The following RBFOX1 variants were observed in gnomAD, a reference collection of about 807,000 sequenced individuals.
RBFOX1 encodes the protein RNA binding protein fox-1 homolog 1.
A neutral mutation model predicts 57.7 loss-of-function variants in RBFOX1; 8 were observed. The ratio of observed to expected loss-of-function variants is 0.14; its 90% CI spans 0.08 to 0.25. The LOEUF (loss-of-function observed/expected upper bound fraction) is 0.25. Ranked by LOEUF, RBFOX1 falls within the 10% of genes least tolerant of loss-of-function variation. The pLI, the probability that RBFOX1 is intolerant of heterozygous loss-of-function variation, is 1.00. For missense variants in RBFOX1, 611 were observed against 548.5 expected, an observed-to-expected ratio of 1.11 and a Z score of -1.14; for synonymous variants, 326 against 222.4, an observed-to-expected ratio of 1.47 and a Z score of -4.15.
intron 1 of RBFOX1, among the ~76,000 whole-genome samples, chr16:6,068,615 A>G (rs1413545893): frequency 6.6e-6 from 1 of 152,188 alleles, no homozygotes; most frequent in Non-Finnish European, 1.5e-5. Flanking sequence ...CAAGATAAGG[A>G]TAATCATCCC....
intron 4 of RBFOX1, among the ~76,000 whole-genome samples, chr16:7,143,314 A>G (rs1299267499): frequency 3.3e-5 from 5 of 151,898 alleles, no homozygotes; most frequent in Non-Finnish European, 7.4e-5. Flanking sequence ...CCTCCACCGC[A>G]TTCCCGACCC....
intron 2 of RBFOX1, among the ~76,000 whole-genome samples, chr16:6,578,598 C>CGTGTGTGTATGTGTGT (rs1555570882): frequency 9.0e-6 from 1 of 110,666 alleles, no homozygotes; most frequent in Admixed American, 1.0e-4. Context: ...GGTGTGTGTG[C>CGTGTGTGTATGTGTGT]GTGTGTGTGT....
chr16:7,454,944 C>G (rs1016878292), intron 4 of RBFOX1, among the ~76,000 whole-genome samples: 9 of 152,172 alleles, frequency 5.9e-5, no homozygotes, highest in Admixed American at 5.9e-4. Context: ...ACCCCTTTTC[C>G]CAGCCCTGGG....
chr16:5,467,122 C>T, intron 1 of RBFOX1: 1 of 1,306,646 alleles, frequency 7.7e-7, no homozygotes, highest in Non-Finnish European at 1.0e-6. Context: ...TTTTTTAAAT[C>T]TAAGAGAAAA....
chr16:6,740,929 T>C (rs181429026), intron 3 of RBFOX1, among the ~76,000 whole-genome samples: 16 of 152,172 alleles, frequency 1.1e-4, no homozygotes, highest in Middle Eastern at 3.4e-3. Context: ...TTTTGAAAAA[T>C]AAGAATCAGG....
At chr16:7,222,936 C>T (rs570728075) in intron 4 of RBFOX1, among the ~76,000 whole-genome samples, 47 of 152,140 alleles carry the variant, frequency 3.1e-4, no homozygotes, top group African/African-American at 7.5e-4. Flanking sequence ...TCATTTGCAG[C>T]GATTTTTTTT....
intron 1 of RBFOX1, among the ~76,000 whole-genome samples, chr16:6,208,146 T>C (rs1034161176): frequency 1.3e-5 from 2 of 152,034 alleles, no homozygotes; most frequent in Non-Finnish European, 2.9e-5. Flanking sequence ...AACATTATAA[T>C]TATATATGTT....
intron 4 of RBFOX1, among the ~76,000 whole-genome samples, chr16:5,972,781 A>T (rs756132234): frequency 6.6e-6 from 1 of 152,132 alleles, no homozygotes; most frequent in Non-Finnish European, 1.5e-5. Flanking sequence ...AGAATCTCCT[A>T]TCTGTTTGCC....
At chr16:5,856,381 G>C (rs996114498) in intron 3 of RBFOX1, among the ~76,000 whole-genome samples, 10 of 136,652 alleles carry the variant, frequency 7.3e-5, no homozygotes, top group Non-Finnish European at 1.4e-4. Context: ...TGCTTGGTGA[G>C]AACACATAAG....
At chr16:7,496,710 A>G (rs2151706398) in intron 4 of RBFOX1, among the ~76,000 whole-genome samples, 1 of 136,106 alleles carries the variant, frequency 7.3e-6, no homozygotes, top group African/African-American at 2.7e-5. Context: ...TTTAAATTTG[A>G]CCACTGCAGT....
intron 4 of RBFOX1, among the ~76,000 whole-genome samples, chr16:7,182,560 A>G (rs1455003535): frequency 6.6e-6 from 1 of 152,234 alleles, no homozygotes; most frequent in African/African-American, 2.4e-5. Flanking sequence ...GTCCTAATAC[A>G]TCCTGTTGCA....
chr16:7,359,547 G>A (rs1268934806), intron 4 of RBFOX1, among the ~76,000 whole-genome samples: 1 of 152,196 alleles, frequency 6.6e-6, no homozygotes, highest in Non-Finnish European at 1.5e-5. Flanking sequence ...ACTTGTGTGT[G>A]AATCATCTGA....
At chr16:6,684,285 G>A (rs868045935) in intron 3 of RBFOX1, among the ~76,000 whole-genome samples, 13 of 152,314 alleles carry the variant, frequency 8.5e-5, no homozygotes, top group Admixed American at 7.2e-4. Context: ...ATAAAGAAAA[G>A]CTCCCAGGCG....
intron 14 of RBFOX1, among the ~76,000 whole-genome samples, chr16:7,686,984 C>T (rs2076203636): frequency 6.6e-6 from 1 of 152,044 alleles, no homozygotes; most frequent in African/African-American, 2.4e-5. Flanking sequence ...TATCTTCTTT[C>T]TGTTTAAGCT....
At chr16:5,766,042 G>A (rs2053765308) in intron 3 of RBFOX1, among the ~76,000 whole-genome samples, 1 of 152,198 alleles carries the variant, frequency 6.6e-6, no homozygotes, top group Non-Finnish European at 1.5e-5. Flanking sequence ...GCTTGGTAGT[G>A]TGCACGTCAT....
chr16:6,398,768 A>G (rs547819531), intron 2 of RBFOX1, among the ~76,000 whole-genome samples: 32 of 152,322 alleles, frequency 2.1e-4, no homozygotes, highest in African/African-American at 6.5e-4. Flanking sequence ...GAGTGTCTGC[A>G]GCTTTTCCAG....
At chr16:7,121,312 T>C (rs1454516806) in intron 4 of RBFOX1, among the ~76,000 whole-genome samples, 3 of 152,186 alleles carry the variant, frequency 2.0e-5, no homozygotes, top group African/African-American at 4.8e-5. Flanking sequence ...TGGAAATTAA[T>C]ATATAAGGGC....
At chr16:7,408,493 C>G (rs1014560075) in intron 4 of RBFOX1, among the ~76,000 whole-genome samples, 4 of 152,160 alleles carry the variant, frequency 2.6e-5, no homozygotes, top group African/African-American at 7.2e-5. Flanking sequence ...GTTTGATCTG[C>G]TGAGAAGTAG....
chr16:6,760,167 C>T (rs928461437), intron 3 of RBFOX1, among the ~76,000 whole-genome samples: 5 of 152,124 alleles, frequency 3.3e-5, no homozygotes, highest in Non-Finnish European at 5.9e-5. Context: ...CAAAGATAAG[C>T]ATCGCTATGT....
Sources: gnomAD v4.1 joint callset for allele counts (sites outside exome capture counted in the v4.1 genomes callset) on GRCh38, gnomAD v4.1.1 for gene constraint, MANE v1.5 for transcripts, NCBI Gene and HGNC (gene_info 2026-07-23, HGNC 2026-07-21) for gene names.